Variants in CFAP47 observed in about 807,000 individuals in gnomAD.
The protein encoded by CFAP47 is cilia and flagella associated protein 47.
A neutral mutation model predicts 148.1 loss-of-function variants in CFAP47; 29 were observed. That is an observed-to-expected ratio of 0.20 (90% confidence interval 0.15 to 0.27). The LOEUF is 0.27. Ranked by LOEUF, CFAP47 falls within the 10% of genes least tolerant of loss-of-function variation. CFAP47 has a pLI of 1.00. For missense variants in CFAP47, 1,872 were observed against 1,697.5 expected (o/e 1.10, Z -1.81); for synonymous variants, 664 against 577.3 (o/e 1.15, Z -2.15).
intron 49 of CFAP47, among the ~76,000 whole-genome samples, chrX:36,280,019 A>G (rs782087617): frequency 2.9e-4 from 32 of 111,532 alleles, no homozygotes; most frequent in Non-Finnish European, 5.3e-4. Flanking sequence ...AATAACTTTT[A>G]TAACAAAATG....
At chrX:36,076,118 G>A (rs1025849139) in intron 29 of CFAP47, among the ~76,000 whole-genome samples, 1 of 110,162 alleles carries the variant, frequency 9.1e-6, no homozygotes, top group Admixed American at 9.7e-5. Flanking sequence ...GCTTTCCACA[G>A]TAGCTGATCT....
At chrX:36,131,655 A>G (rs1173214687) in intron 33 of CFAP47, among the ~76,000 whole-genome samples, 1 of 111,924 alleles carries the variant, frequency 8.9e-6, no homozygotes, top group African/African-American at 3.2e-5. Context: ...CCAAAGTGGA[A>G]TGTTATTCAG....
chrX:36,190,761 C>T (rs1939857094), intron 42 of CFAP47, among the ~76,000 whole-genome samples: 1 of 110,143 alleles, frequency 9.1e-6, no homozygotes, highest in African/African-American at 3.3e-5. Context: ...GGGAGAGAGA[C>T]AGAGAGGGTT....
chrX:36,276,452 T>C lies in CFAP47; in HGVS notation c.7445-4035T>C, dbSNP rs141049391. The stretch of plus-strand genomic sequence containing the variant: ...TATTTTTGGAGGGGAGTATAAGTAA[T>C]TTGAATCTATATTTCCATATAATGT... On this transcript the variant is annotated intron_variant, in intron 49 of 63. Transcript: ENST00000378653. Among the ~76,000 whole-genome samples the C allele has an allele frequency of 7.8e-3, 877 of 111,930 alleles. 5 individuals are homozygous for C. The highest frequency in any genetic ancestry group is 0.022 in the African/African-American group (668 of 30,856).
intron 51 of CFAP47, among the ~76,000 whole-genome samples, chrX:36,290,806 G>A (rs1177053361): frequency 8.9e-6 from 1 of 112,185 alleles, no homozygotes; most frequent in Non-Finnish European, 1.9e-5. Flanking sequence ...GATAGGACAG[G>A]AATTTAGGAG....
In CFAP47 at chrX:36,065,721, G is replaced by A. The variant is rs980517726; in HGVS notation, c.4296G>A (p.Lys1432=). Reference sequence around the variant, plus strand: ...CATATATGGCAATTCATCTGGATAAGCAAAACATTATTTTAAAGAATGGTA... The same window carrying A: ...CATATATGGCAATTCATCTGGATAAACAAAACATTATTTTAAAGAATGGTA... ...IYPYMAIHLD[K]QNIILKNDKD... Residue 1432 remains lysine, a synonymous_variant, in exon 27 of 64, where the codon AAG becomes AAA. Transcript: ENST00000378653. 23 of 1,166,152 alleles carry A rather than the reference G, an allele frequency of 2.0e-5. 1 individual carries two copies. Among genetic ancestry groups the A allele is most frequent in the Non-Finnish European group, 2.7e-5 (23 of 856,317 alleles).
At chrX:36,314,020 T>A (rs1941414207) in intron 56 of CFAP47, among the ~76,000 whole-genome samples, 1 of 111,558 alleles carries the variant, frequency 9.0e-6, no homozygotes, top group African/African-American at 3.3e-5. Flanking sequence ...ATACCCAAAT[T>A]TCTAAAACTT....
At chrX:36,316,612 A>G (rs1222736056) in intron 56 of CFAP47, among the ~76,000 whole-genome samples, 2 of 112,081 alleles carry the variant, frequency 1.8e-5, no homozygotes, top group African/African-American at 6.5e-5. Flanking sequence ...ATTCCAAGTA[A>G]GTGACATGAC....
chrX:36,002,084 G>T (rs1936921742), intron 21 of CFAP47, among the ~76,000 whole-genome samples: 1 of 111,602 alleles, frequency 9.0e-6, no homozygotes, highest in Non-Finnish European at 1.9e-5. Context: ...ATATTGTGAA[G>T]ATTTAAGAGG....
intron 57 of CFAP47, among the ~76,000 whole-genome samples, chrX:36,346,412 T>G (rs781993941): frequency 6.6e-4 from 73 of 111,440 alleles, no homozygotes; most frequent in African/African-American, 2.1e-3. Context: ...TGAAAAATTC[T>G]AATCCATTGG....
At chrX:35,967,949 A>G in intron 10 of CFAP47, 117 bp downstream of exon 10, 2 of 289,134 alleles carry the variant, frequency 6.9e-6, no homozygotes, top group Non-Finnish European at 1.2e-5. Flanking sequence ...AATAATAATA[A>G]TAATAATAAT....
At chrX:36,239,742 T>A (rs781965568) in intron 48 of CFAP47, among the ~76,000 whole-genome samples, 2 of 111,654 alleles carry the variant, frequency 1.8e-5, no homozygotes, top group Non-Finnish European at 3.8e-5. Flanking sequence ...GATTTTAGAA[T>A]CTCTGGTATA....
At chrX:36,051,791 CT>C (rs1311078478) in intron 26 of CFAP47, among the ~76,000 whole-genome samples, 1 of 110,872 alleles carries the variant, frequency 9.0e-6, no homozygotes, top group Non-Finnish European at 1.9e-5. Flanking sequence ...TGTGGTTTGG[CT>C]ATGTCTCTAC....
At chrX:35,924,196 T>C (rs111065366) in intron 1 of CFAP47, among the ~76,000 whole-genome samples, 1 of 105,948 alleles carries the variant, frequency 9.4e-6, no homozygotes, top group Non-Finnish European at 1.9e-5. Context: ...TGTATGTGTA[T>C]ATATGGACAT....
At chrX:36,276,861 G>T (rs1941023491) in intron 49 of CFAP47, among the ~76,000 whole-genome samples, 1 of 111,940 alleles carries the variant, frequency 8.9e-6, no homozygotes, top group Non-Finnish European at 1.9e-5. Context: ...ATTAAATATA[G>T]GATGGTGATC....
rs1386570108 is a variant in CFAP47 at position 36,056,194 on chromosome X, T to C, written c.4217+9131T>C. Among the ~76,000 whole-genome samples, 4 of 111,787 alleles carry C rather than the reference T, an allele frequency of 3.6e-5. No individual in the cohort carries two copies. In the East Asian group the frequency reaches 1.1e-3, roughly 31 times the overall value. On this transcript the variant is annotated intron_variant, in intron 26 of 63. Coordinates refer to ENST00000378653, the MANE Select transcript of CFAP47 (RefSeq NM_001304548.2). ...CTACTTGCATTGTGGTGGTTCCTAC[T>C]GGATGAAACCATAACTTTAAAAACC...
chrX:36,324,710 G>A (rs1941503891), intron 57 of CFAP47, among the ~76,000 whole-genome samples: 1 of 111,287 alleles, frequency 9.0e-6, no homozygotes, highest in Admixed American at 9.6e-5. Flanking sequence ...ACTTCAAAAT[G>A]GACTTCTACT....
intron 57 of CFAP47, among the ~76,000 whole-genome samples, chrX:36,334,364 T>C (rs1941587675): frequency 8.9e-6 from 1 of 111,832 alleles, no homozygotes; most frequent in African/African-American, 3.2e-5. Flanking sequence ...TATATAATTG[T>C]CCACTGATTC....
chrX:36,364,901 CAT>C (rs60748143), intron 61 of CFAP47, among the ~76,000 whole-genome samples: 7,770 of 66,305 alleles, frequency 0.12, 337 homozygotes, highest in Non-Finnish European at 0.15. Flanking sequence ...ATATTTTGTG[CAT>C]ATATATATAT....
Sources: allele counts gnomAD v4.1 joint callset (sites outside exome capture counted in the v4.1 genomes callset), GRCh38; gene constraint gnomAD v4.1.1; transcripts MANE v1.5; gene names NCBI Gene and HGNC (gene_info 2026-07-23, HGNC 2026-07-21).